The following ACTC1 variants were observed in gnomAD, a reference collection of about 807,000 sequenced individuals.
The protein encoded by ACTC1 is actin, alpha cardiac muscle 1.
In ACTC1, 10 loss-of-function variants were observed where a neutral mutation model predicts 31.6. The observed-to-expected ratio is 0.32, with a 90% CI of 0.19 to 0.54. The LOEUF (loss-of-function observed/expected upper bound fraction) is 0.54. Among genes scored for constraint, ACTC1 ranks in the 20% least tolerant of loss-of-function variants. ACTC1 has a pLI of 0.95. For synonymous variants in ACTC1, 196 were observed against 185.0 expected, an observed-to-expected ratio of 1.06 and a Z score of -0.48; for missense variants, 129 against 506.4, an observed-to-expected ratio of 0.25 and a Z score of 7.15.
Position 34,790,382 on chromosome 15 carries a change from A to C in ACTC1, c.*30T>G, listed in dbSNP as rs769780832. The C allele has an allele frequency of 1.2e-6, 2 of 1,612,440 alleles. No individual in the cohort carries two copies. The highest frequency in any genetic ancestry group is 1.7e-6 in the Non-Finnish European group (2 of 1,179,644). ...CAAGAAGCATAATACCGTCATCCTG[A>C]CTGGAAGGTAGATGGAGAGAGAAGG... On this transcript the variant is annotated 3_prime_UTR_variant, in exon 7 of 7. Transcript: ENST00000290378.
Position 34,790,568 on chromosome 15 carries a change from A to G in ACTC1, c.991-13T>C, listed in dbSNP as rs1375741970. ...GGGGAGCAATAATCTGCAGAAAGAA[A>G]ACAAAAACTTCCAGTGAACTCTGAA... On this transcript the variant is annotated splice_polypyrimidine_tract_variant and intron_variant, in intron 6 of 6. Coordinates refer to ENST00000290378, the MANE Select transcript of ACTC1 (RefSeq NM_005159.5). 13 of 1,613,970 alleles carry G rather than the reference A, an allele frequency of 8.1e-6. No homozygotes were observed. The highest frequency in any genetic ancestry group is 1.1e-5 in the Non-Finnish European group (13 of 1,179,972).
rs868205276 is a variant in ACTC1 at position 34,795,341 on chromosome 15, G to C, written c.-23+165C>G. ...AAACAAGTTAGAACCAAATCAAAAA[G>C]TGTGGGCTTTAAAAAAAAAAAAAAA... On this transcript the variant is annotated intron_variant, in intron 1 of 6. Transcript: ENST00000290378. Among the ~76,000 whole-genome samples the C allele has an allele frequency of 4.2e-5, 6 of 142,168 alleles. No individual in the cohort carries two copies. In the South Asian group the frequency reaches 1.3e-3, roughly 31 times the overall value. The allele number at this position is 142,168 out of a possible 152,430, so 93.3% of individuals were successfully genotyped here. A position where few individuals can be genotyped will look rare whatever the true frequency, so the allele number is the denominator to read the frequency against.
In ACTC1 at chr15:34,794,758, C is replaced by T. The variant is rs993704001; in HGVS notation, c.51G>A (p.Gly17=). 5 of 1,613,628 alleles carry T rather than the reference C, an allele frequency of 3.1e-6. No individual in the cohort carries two copies. Among genetic ancestry groups the T allele is most frequent in the Middle Eastern group, 1.6e-4 (1 of 6,084 alleles). Residue 17 remains glycine (G), a synonymous_variant, in exon 2 of 7, where the codon GGG becomes GGA. Transcript: ENST00000290378. Reference sequence around the variant, plus strand: ...CGCCCGCAAAGCCGGCCTTCACCAGCCCAGAGCCGTTGTCGCACACCAGGG... The same window carrying T: ...CGCCCGCAAAGCCGGCCTTCACCAGTCCAGAGCCGTTGTCGCACACCAGGG... ...TTALVCDNGS[G]LVKAGFAGDD... is the part of the protein sequence containing the mutation.
Position 34,792,898 on chromosome 15 carries a change from T to C in ACTC1, c.455-329A>G. The C allele has an allele frequency of 2.0e-6, 1 of 505,716 alleles. No individual in the cohort carries two copies. The allele number at this position is 505,716 out of a possible 1,614,324, so 31.3% of individuals were successfully genotyped here. A position where few individuals can be genotyped will look rare whatever the true frequency, so the allele number is the denominator to read the frequency against. ...CTCCTATTGAACTTACACGTTTCTC[T>C]CTCTTTTGACTCAGACCCTGTATGG... On this transcript the variant is annotated intron_variant, in intron 3 of 6. Coordinates refer to ENST00000290378, the MANE Select transcript of ACTC1 (RefSeq NM_005159.5). This position sits in a 1 kb window ranked among gnomAD's most constrained non-coding sequence, Gnocchi z 5.3.
In ACTC1 at chr15:34,792,487, A is replaced by T. The variant is rs750131288; in HGVS notation, c.537T>A (p.Arg179=). 6.9e-5 allele frequency: 112 copies of T among 1,614,030 alleles called. 1 individual carries two copies. The highest frequency in any genetic ancestry group is 9.2e-5 in the Non-Finnish European group (108 of 1,180,034). The change falls in exon 4 of 7, where the codon CGT becomes CGA. Residue 179 remains arginine (R), a synonymous_variant. Transcript: ENST00000290378. This position sits in a 1 kb window ranked among gnomAD's most constrained non-coding sequence, Gnocchi z 5.3. The part of the protein sequence containing the change: ...EGYALPHAIM[R]LDLAGRDLTD... ...TGAGGTCCCGACCAGCCAGATCCAG[A>T]CGCATGATGGCATGGGGCAAAGCGT...
chr15:34,792,701 T>A lies in ACTC1; in HGVS notation c.455-132A>T. Reference sequence around the variant, plus strand: ...GGCATTGATCCAGATAAAATTAGATTCCTTACACACAAAGAATAAAAATGC... The same window carrying A: ...GGCATTGATCCAGATAAAATTAGATACCTTACACACAAAGAATAAAAATGC... On this transcript the variant is annotated intron_variant, in intron 3 of 6. Transcript: ENST00000290378. This position sits in a 1 kb window ranked among gnomAD's most constrained non-coding sequence, Gnocchi z 5.3. The A allele has an allele frequency of 1.1e-6, 1 of 929,152 alleles. No individual in the cohort carries two copies. The highest frequency in any genetic ancestry group is 1.4e-5 in the South Asian group (1 of 70,666). The allele number at this position is 929,152 out of a possible 1,614,324, so 57.6% of individuals were successfully genotyped here. A position where few individuals can be genotyped will look rare whatever the true frequency, so the allele number is the denominator to read the frequency against.
intron 6 of ACTC1, 41 bp from the exon 7 acceptor site, chr15:34,790,596 T>G (rs1891684155): frequency 6.2e-7 from 1 of 1,612,886 alleles, no homozygotes; most frequent in African/African-American, 1.3e-5. Context: ...ACTCTGAAGT[T>G]CCAAGCAAGG....
rs1377454748 is a variant in ACTC1 at position 34,791,600 on chromosome 15, G to A, written c.809-305C>T. ...TGTATTGGAAAAGGAAAAGATACAC[G>A]TTTAAACTAAAATGAATGTAATTTT... On this transcript the variant is annotated intron_variant, in intron 5 of 6. Transcript: ENST00000290378. 6 of 409,858 alleles carry A rather than the reference G, an allele frequency of 1.5e-5. 1 individual carries two copies. Among genetic ancestry groups the A allele is most frequent in the South Asian group, 7.2e-5 (2 of 27,906 alleles). 25.4% of individuals were successfully genotyped at this position (409,858 alleles called of 1,614,324 possible).
chr15:34,793,347 G>T lies in ACTC1; in HGVS notation c.352C>A (p.Arg118=), dbSNP rs1159252460. The T allele has an allele frequency of 1.9e-6, 3 of 1,614,014 alleles. No homozygotes were observed. Residue 118 remains arginine, a synonymous_variant, in exon 3 of 7, where the codon CGG becomes AGG. Transcript: ENST00000290378. The surrounding 1 kb of genome is among the most constrained non-coding windows in gnomAD (Gnocchi z 4.8). ...AACATGATCTGAGTCATCTTCTCCC[G>T]GTTGGCCTTGGGGTTCAGCGGGGCC... ...TEAPLNPKAN[R]EKMTQIMFET...
chr15:34,791,732 T>A (rs1891711537), intron 5 of ACTC1: 1 of 370,286 alleles, frequency 2.7e-6, no homozygotes, highest in South Asian at 2.8e-5. Flanking sequence ...TGAGTAGGAA[T>A]GTTATTGCAT....
intron 5 of ACTC1, 158 bp downstream of exon 5, chr15:34,791,932 C>T: frequency 1.4e-6 from 1 of 703,020 alleles, no homozygotes. Context: ...ATAGACTTCC[C>T]CTTTAATGAG....
intron 2 of ACTC1, among the ~76,000 whole-genome samples, chr15:34,794,220 G>T (rs926074810): frequency 6.6e-6 from 1 of 152,346 alleles, no homozygotes; most frequent in Non-Finnish European, 1.5e-5. Flanking sequence ...AAATGCAACA[G>T]CCAGGAAGGA....
intron 1 of ACTC1, among the ~76,000 whole-genome samples, 177 bp downstream of exon 1, chr15:34,795,329 C>T (rs1188219674): frequency 1.0e-4 from 15 of 148,064 alleles, no homozygotes; most frequent in Non-Finnish European, 1.6e-4. Context: ...CAAGTTAGAA[C>T]CAAATCAAAA....
chr15:34,793,636 A>G lies in ACTC1; in HGVS notation c.130-67T>C. Reference sequence around the variant, plus strand: ...CAGGAATATAATCAGTGTCTTGTCCATTTATATCTAACTGCCCAAGTCAAG... The same window carrying G: ...CAGGAATATAATCAGTGTCTTGTCCGTTTATATCTAACTGCCCAAGTCAAG... On this transcript the variant is annotated intron_variant, in intron 2 of 6. Coordinates refer to ENST00000290378, the MANE Select transcript of ACTC1 (RefSeq NM_005159.5). The surrounding 1 kb of genome is among the most constrained non-coding windows in gnomAD (Gnocchi z 4.8). 7.0e-7 allele frequency: 1 copy of G among 1,433,620 alleles called. No individual in the cohort carries two copies. Among genetic ancestry groups the G allele is most frequent in the Non-Finnish European group, 9.8e-7 (1 of 1,024,830 alleles). The allele number at this position is 1,433,620 out of a possible 1,614,324, so 88.8% of individuals were successfully genotyped here. A position where few individuals can be genotyped will look rare whatever the true frequency, so the allele number is the denominator to read the frequency against.
intron 6 of ACTC1, 128 bp from the exon 7 acceptor site, chr15:34,790,683 A>G (rs1416123053): frequency 2.9e-6 from 3 of 1,026,828 alleles, no homozygotes; most frequent in South Asian, 1.4e-5. Flanking sequence ...GATATGTCAT[A>G]CCACGAAATA....
In ACTC1 at chr15:34,793,859, C is replaced by T. The variant is rs145445499; in HGVS notation, c.130-290G>A. On this transcript the variant is annotated intron_variant, in intron 2 of 6. Coordinates refer to ENST00000290378, the MANE Select transcript of ACTC1 (RefSeq NM_005159.5). This position sits in a 1 kb window ranked among gnomAD's most constrained non-coding sequence, Gnocchi z 4.8. ...CACCTCACCTTAAAAATATCATATGCCTTCATTAAGTTATTAAGCTCATCA... is the reference window on the plus strand; with the variant it reads ...CACCTCACCTTAAAAATATCATATGTCTTCATTAAGTTATTAAGCTCATCA... Among the ~76,000 whole-genome samples, 98 of 152,262 alleles carry T rather than the reference C, an allele frequency of 6.4e-4. No individual in the cohort carries two copies. Among genetic ancestry groups the T allele is most frequent in the African/African-American group, 2.3e-3 (96 of 41,558 alleles).
Position 34,793,480 on chromosome 15 carries a change from G to A in ACTC1, c.219C>T (p.Ile73=), listed in dbSNP as rs376566924. 6.3e-5 allele frequency: 102 copies of A among 1,614,098 alleles called. No homozygotes were observed. In the African/African-American group the frequency reaches 9.7e-4, roughly 15 times the overall value. ...KRGILTLKYP[I]EHGIITNWDD... ...CCCAGTTGGTGATGATACCATGCTC[G>A]ATGGGATACTTCAGGGTCAGGATGC... Residue 73 remains isoleucine (I), a synonymous_variant, in exon 3 of 7, where the codon ATC becomes ATT. Coordinates refer to ENST00000290378, the MANE Select transcript of ACTC1 (RefSeq NM_005159.5). The surrounding 1 kb of genome is among the most constrained non-coding windows in gnomAD (Gnocchi z 4.8).
rs1891784833 is a variant in ACTC1 at position 34,794,816 on chromosome 15, C to G, written c.-8G>C. 6.2e-7 allele frequency: 1 copy of G among 1,612,944 alleles called. No individual in the cohort carries two copies. The highest frequency in any genetic ancestry group is 2.2e-5 in the East Asian group (1 of 44,824). On this transcript the variant is annotated 5_prime_UTR_variant, in exon 2 of 7. Coordinates refer to ENST00000290378, the MANE Select transcript of ACTC1 (RefSeq NM_005159.5). ...CTCCTCGTCGTCACACATCTTGGCA[C>G]AGCTTCAGGGGGTTCTGCAGGTTGA...
intron 1 of ACTC1, 118 bp from the exon 2 acceptor site, chr15:34,794,948 G>GGGGA: frequency 1.1e-6 from 1 of 909,192 alleles, no homozygotes; most frequent in Non-Finnish European, 1.6e-6. Flanking sequence ...AGGGGGTTGG[G>GGGGA]CGGGGAACAC....
Sources: allele counts gnomAD v4.1 joint callset (sites outside exome capture counted in the v4.1 genomes callset), GRCh38; gene constraint gnomAD v4.1.1; non-coding constraint Gnocchi (gnomAD v3.1); transcripts MANE v1.5; gene names NCBI Gene and HGNC (gene_info 2026-07-23, HGNC 2026-07-21).